DNAH12: variants seen among roughly 807,000 people sequenced by gnomAD.
DNAH12 encodes the protein dynein axonemal heavy chain 12.
Under a neutral mutation model 371.5 loss-of-function variants are expected in DNAH12, and 285 were observed. That is an observed-to-expected ratio of 0.77 (90% CI 0.70 to 0.85). The LOEUF (loss-of-function observed/expected upper bound fraction) is 0.85, where lower values mean the gene tolerates loss of function less well. DNAH12 is among the 40% of genes least tolerant of loss of function. DNAH12 has a pLI of 0.00. For missense variants in DNAH12, 3,611 were observed against 3,689.4 expected (o/e 0.98, Z 0.55); for synonymous variants, 1,200 against 1,213.0 (o/e 0.99, Z 0.22).
At chr3:57,398,958 A>G (rs2063800253) in intron 43 of DNAH12, among the ~76,000 whole-genome samples, 2 of 152,330 alleles carry the variant, frequency 1.3e-5, no homozygotes, top group Admixed American at 1.3e-4. Context: ...AAAAACAAAA[A>G]CATGCCTTAT....
At chr3:57,421,838 G>A in intron 35 of DNAH12, 132 bp from the exon 36 acceptor site, 1 of 877,278 alleles carries the variant, frequency 1.1e-6, no homozygotes, top group Non-Finnish European at 1.7e-6. Context: ...AAATAAAGTA[G>A]AATGGAGCAC....
chr3:57,325,336 C>T (rs1333138891), intron 62 of DNAH12, among the ~76,000 whole-genome samples: 1 of 152,220 alleles, frequency 6.6e-6, no homozygotes, highest in Non-Finnish European at 1.5e-5. Flanking sequence ...TAGGGGCAAA[C>T]TGACACCTCA....
rs573510422 is a variant in DNAH12, at chr3:57,327,057, A to C, written c.9979-3438T>G. Among the ~76,000 whole-genome samples, 151 of 151,528 alleles carry C rather than the reference A, an allele frequency of 1.0e-3. 1 individual carries two copies. The highest frequency in any genetic ancestry group is 3.5e-3 in the African/African-American group (147 of 41,436). ...CAATACAGGAGCACCCAGATTCATA[A>C]AGCAAGTCCTGAGTGACCTACAAAG... On this transcript the variant is annotated intron_variant, in intron 62 of 73. Coordinates refer to ENST00000495027, the MANE Select transcript of DNAH12 (RefSeq NM_001366028.2).
chr3:57,339,248 G>C (rs183427318), intron 60 of DNAH12, among the ~76,000 whole-genome samples: 4 of 152,060 alleles, frequency 2.6e-5, no homozygotes, highest in Non-Finnish European at 5.9e-5. Context: ...GCGGAAGGCC[G>C]CAGGGTCCTC....
chr3:57,430,854 G>T (rs1341936810), intron 32 of DNAH12, among the ~76,000 whole-genome samples: 2 of 152,158 alleles, frequency 1.3e-5, no homozygotes, highest in Non-Finnish European at 2.9e-5. Context: ...GCTGTAAAAT[G>T]AATGATCTAG....
chr3:57,322,974 A>C, intron 64 of DNAH12, 33 bp downstream of exon 64: 2 of 1,542,784 alleles, frequency 1.3e-6, no homozygotes, highest in Non-Finnish European at 1.8e-6. Context: ...TAGCTAAGTA[A>C]ATGTACTTAA....
Position 57,502,329 on chromosome 3 carries a change from T to C in DNAH12, c.1237A>G (p.Thr413Ala), listed in dbSNP as rs1180674696. The C allele has an allele frequency of 6.2e-7, 1 of 1,613,916 alleles. No individual in the cohort carries two copies. Among genetic ancestry groups the C allele is most frequent in the Non-Finnish European group, 8.5e-7 (1 of 1,179,960 alleles). The change falls in exon 10 of 74, where the codon ACA becomes GCA. Residue 413 changes from threonine to alanine, a missense_variant. Coordinates refer to ENST00000495027, the MANE Select transcript of DNAH12 (RefSeq NM_001366028.2). ...NLEGARKHYE[T>A]YVEKYNWLLD... ...TTATGTATGTCATACACACCATATG[T>C]CTCATAATGCTTTCTTGCACCTTCT...
intron 4 of DNAH12, among the ~76,000 whole-genome samples, chr3:57,517,208 G>GT (rs1465641945): frequency 6.6e-6 from 1 of 152,082 alleles, no homozygotes; most frequent in Non-Finnish European, 1.5e-5. Flanking sequence ...ATATTACCCT[G>GT]TATTTCCTTC....
chr3:57,455,426 T>G (rs919440197), intron 22 of DNAH12, among the ~76,000 whole-genome samples: 110 of 149,770 alleles, frequency 7.3e-4, no homozygotes, highest in Admixed American at 1.7e-3. Flanking sequence ...AAAAAATAGC[T>G]GGGCATGGTG....
intron 2 of DNAH12, among the ~76,000 whole-genome samples, chr3:57,535,296 A>C (rs2068991153): frequency 6.6e-6 from 1 of 152,212 alleles, no homozygotes; most frequent in Non-Finnish European, 1.5e-5. Context: ...TAATGGGTTA[A>C]TGAGGGCTGT....
intron 60 of DNAH12, among the ~76,000 whole-genome samples, chr3:57,347,443 C>T (rs781883299): frequency 1.2e-4 from 19 of 152,096 alleles, no homozygotes; most frequent in Non-Finnish European, 2.8e-4. Flanking sequence ...CAGCTGGGCA[C>T]AGGAGCTCAC....
intron 69 of DNAH12, among the ~76,000 whole-genome samples, chr3:57,302,567 A>ATATATATATATATTTT (rs2061380979): frequency 7.3e-5 from 2 of 27,484 alleles, no homozygotes; most frequent in Non-Finnish European, 1.3e-4. Context: ...ATATATATGT[A>ATATATATATATATTTT]TTTTTTTTTT....
At chr3:57,470,767 C>T (rs2066342765) in intron 15 of DNAH12, 131 bp from the exon 16 acceptor site, 5 of 790,140 alleles carry the variant, frequency 6.3e-6, no homozygotes, top group Admixed American at 3.4e-5. Flanking sequence ...AGTGCAGTGG[C>T]GTGATCTGGG....
At chr3:57,327,508 C>T (rs905524128) in intron 62 of DNAH12, among the ~76,000 whole-genome samples, 1 of 151,960 alleles carries the variant, frequency 6.6e-6, no homozygotes, top group African/African-American at 2.4e-5. Context: ...TCTTTGAAAC[C>T]AACGAGAACA....
intron 60 of DNAH12, among the ~76,000 whole-genome samples, chr3:57,335,446 A>T (rs531433063): frequency 7.2e-5 from 11 of 152,360 alleles, no homozygotes; most frequent in Admixed American, 1.3e-4. Context: ...TGCTCATAGA[A>T]TTCTTAGTCA....
chr3:57,456,178 C>T (rs1441726745), intron 22 of DNAH12, among the ~76,000 whole-genome samples: 1 of 152,154 alleles, frequency 6.6e-6, no homozygotes, highest in East Asian at 1.9e-4. Flanking sequence ...TAAAGAAATA[C>T]TTTCATGGAC....
At chr3:57,393,309 G>A (rs2063663735) in intron 44 of DNAH12, among the ~76,000 whole-genome samples, 1 of 152,138 alleles carries the variant, frequency 6.6e-6, no homozygotes. Context: ...ATGAGAAAGT[G>A]TGACATTACT....
chr3:57,507,007 A>G (rs1253963941), intron 8 of DNAH12, among the ~76,000 whole-genome samples: 4 of 151,840 alleles, frequency 2.6e-5, no homozygotes, highest in African/African-American at 9.7e-5. Flanking sequence ...TGTATTAGTT[A>G]CAGCATTACA....
At chr3:57,554,163 T>G in the DNAH12 span, among the ~76,000 whole-genome samples, 4 of 136,326 alleles carry the variant, frequency 2.9e-5, no homozygotes, top group South Asian at 4.3e-4. Context: ...AGTGCACACC[T>G]GTAATCTCAG....
Sources: gnomAD v4.1 joint callset for allele counts (sites outside exome capture counted in the v4.1 genomes callset) on GRCh38, gnomAD v4.1.1 for gene constraint, MANE v1.5 for transcripts, NCBI Gene and HGNC (gene_info 2026-07-23, HGNC 2026-07-21) for gene names.